Variants in CADM1 observed in about 807,000 individuals in gnomAD.
CADM1 encodes cell adhesion molecule 1, also known as TSLC-1.
In CADM1, 15 loss-of-function variants were observed where a neutral mutation model predicts 53.1. The ratio of observed to expected loss-of-function variants is 0.28; its 90% CI spans 0.19 to 0.44. The LOEUF is 0.44. Among genes scored for constraint, CADM1 ranks in the 20% least tolerant of loss-of-function variants. The pLI is 1.00. For missense variants in CADM1, 434 were observed against 611.3 expected (o/e 0.71, Z 3.06); for synonymous variants, 281 against 243.0 (o/e 1.16, Z -1.45).
intron 8 of CADM1, among the ~76,000 whole-genome samples, chr11:115,206,548 G>A (rs1940688297): frequency 6.6e-6 from 1 of 152,084 alleles, no homozygotes; most frequent in Non-Finnish European, 1.5e-5. Context: ...CTAACAAGGG[G>A]AACAATTTGA....
At chr11:115,210,032 G>A (rs1940885665) in intron 7 of CADM1, among the ~76,000 whole-genome samples, 1 of 152,212 alleles carries the variant, frequency 6.6e-6, no homozygotes, top group African/African-American at 2.4e-5. Context: ...ACAGATGGCA[G>A]GAAGGAGGAG....
chr11:115,441,195 T>TA (rs1201426144), intron 1 of CADM1, among the ~76,000 whole-genome samples: 2 of 152,030 alleles, frequency 1.3e-5, no homozygotes, highest in Non-Finnish European at 2.9e-5. Flanking sequence ...CTTGTACCTA[T>TA]AGGCTTAGAA....
In CADM1 at chr11:115,209,780, A is replaced by G. The variant is rs183225673; in HGVS notation, c.995-123T>C. ...TTGATGGCTTCCCCCTTTAAAACCAAAAGTTCTTTCCCTGCAAGATTTATG... is the reference window on the plus strand; with the variant it reads ...TTGATGGCTTCCCCCTTTAAAACCAGAAGTTCTTTCCCTGCAAGATTTATG... On this transcript the variant is annotated intron_variant, in intron 7 of 11. Coordinates refer to ENST00000331581, the MANE Select transcript of CADM1 (RefSeq NM_001301043.2). 1.7e-5 allele frequency: 20 copies of G among 1,177,196 alleles called. No individual in the cohort carries two copies. The Admixed American group carries it at 2.3e-4, about 13-fold the overall frequency. The allele number at this position is 1,177,196 out of a possible 1,614,324, so 72.9% of individuals were successfully genotyped here.
chr11:115,296,075 C>T (rs1047547039), intron 1 of CADM1, among the ~76,000 whole-genome samples: 5 of 152,060 alleles, frequency 3.3e-5, no homozygotes, highest in African/African-American at 7.2e-5. Flanking sequence ...CTCAGCCTCC[C>T]GAGTAGCTGG....
chr11:115,458,673 G>A (rs1386674579), intron 1 of CADM1, among the ~76,000 whole-genome samples: 1 of 151,796 alleles, frequency 6.6e-6, no homozygotes, highest in Non-Finnish European at 1.5e-5. Flanking sequence ...ATTTCTAGGG[G>A]TTCAGTAACC....
chr11:115,299,801 C>T (rs992975724), intron 1 of CADM1, among the ~76,000 whole-genome samples: 1 of 151,976 alleles, frequency 6.6e-6, no homozygotes, highest in African/African-American at 2.4e-5. Context: ...ACACTTTAGC[C>T]GCCATTTTCT....
chr11:115,312,327 A>G (rs1349216914), intron 1 of CADM1, among the ~76,000 whole-genome samples: 6 of 152,192 alleles, frequency 3.9e-5, no homozygotes, highest in South Asian at 2.1e-4. Flanking sequence ...ACAGACTAAT[A>G]TCACCACTAG....
At chr11:115,291,545 A>G (rs1339130403) in intron 1 of CADM1, among the ~76,000 whole-genome samples, 1 of 152,222 alleles carries the variant, frequency 6.6e-6, no homozygotes, top group African/African-American at 2.4e-5. Flanking sequence ...GCTCAGTAGC[A>G]TGACCTTTCA....
At chr11:115,336,316 T>C (rs959379909) in intron 1 of CADM1, among the ~76,000 whole-genome samples, 4 of 152,138 alleles carry the variant, frequency 2.6e-5, no homozygotes, top group African/African-American at 9.6e-5. Flanking sequence ...CGTCTTAGTA[T>C]TATGAGAACA....
At chr11:115,271,534 G>A (rs1332385067) in intron 1 of CADM1, among the ~76,000 whole-genome samples, 3 of 152,102 alleles carry the variant, frequency 2.0e-5, no homozygotes, top group Non-Finnish European at 2.9e-5. Flanking sequence ...CACCCGCCTC[G>A]GCCTCCCAAA....
chr11:115,300,897 T>C (rs933772542), intron 1 of CADM1, among the ~76,000 whole-genome samples: 1 of 152,056 alleles, frequency 6.6e-6, no homozygotes, highest in African/African-American at 2.4e-5. Flanking sequence ...GGGCTCCAAA[T>C]TGCAAAAGTT....
chr11:115,266,543 T>A (rs906352509), intron 1 of CADM1, among the ~76,000 whole-genome samples: 2 of 152,222 alleles, frequency 1.3e-5, no homozygotes, highest in African/African-American at 4.8e-5. Context: ...CTGAGTGTTG[T>A]CTTCCACATT....
intron 1 of CADM1, among the ~76,000 whole-genome samples, chr11:115,266,344 G>T (rs972982661): frequency 6.6e-6 from 1 of 152,200 alleles, no homozygotes; most frequent in South Asian, 2.1e-4. Context: ...AATTGTTCTA[G>T]AATACTATAA....
At chr11:115,294,698 A>AT (rs1214143960) in intron 1 of CADM1, among the ~76,000 whole-genome samples, 4 of 152,216 alleles carry the variant, frequency 2.6e-5, no homozygotes, top group Non-Finnish European at 4.4e-5. Context: ...AAAAGCCTAA[A>AT]TAAAAATTTT....
intron 10 of CADM1, among the ~76,000 whole-genome samples, chr11:115,184,285 A>C (rs1229539352): frequency 6.6e-6 from 1 of 152,218 alleles, no homozygotes; most frequent in Non-Finnish European, 1.5e-5. Context: ...GCTCCCGTCC[A>C]TGGCAACAAA....
chr11:115,485,774 C>G (rs562608613), intron 1 of CADM1, among the ~76,000 whole-genome samples: 5 of 152,248 alleles, frequency 3.3e-5, no homozygotes, highest in Non-Finnish European at 5.9e-5. Context: ...ATGTCTTTAC[C>G]AGCAGTGTGA....
At position 115,176,326 on chromosome 11, in the gene CADM1, T is replaced by TTTC; in HGVS notation, c.*147_*148insGAA. 3 of 1,519,808 alleles carry TTTC rather than the reference T, an allele frequency of 2.0e-6. No homozygotes were observed. Among genetic ancestry groups the TTTC allele is most frequent in the South Asian group, 1.2e-5 (1 of 81,870 alleles). 94.1% of individuals were successfully genotyped at this position (1,519,808 alleles called of 1,614,324 possible). On this transcript the variant is annotated 3_prime_UTR_variant, in exon 12 of 12. Coordinates refer to ENST00000331581, the MANE Select transcript of CADM1 (RefSeq NM_001301043.2). ...TTCCAAAGAACATTTTTTTTTTTTT[T>TTTC]ACACAGCAAATCCCAAGCCTTCCCA...
chr11:115,503,241 C>T (rs1314115155), intron 1 of CADM1, among the ~76,000 whole-genome samples: 2 of 152,212 alleles, frequency 1.3e-5, no homozygotes, highest in Non-Finnish European at 2.9e-5. Context: ...CTCTTCTTTC[C>T]CGACCGCGCC....
At chr11:115,320,263 A>G (rs1033071021) in intron 1 of CADM1, among the ~76,000 whole-genome samples, 1 of 152,022 alleles carries the variant, frequency 6.6e-6, no homozygotes, top group African/African-American at 2.4e-5. Context: ...AGGTCTCTCT[A>G]TGTTGTCCAG....
Sources: gnomAD v4.1 joint callset for allele counts (sites outside exome capture counted in the v4.1 genomes callset) on GRCh38, gnomAD v4.1.1 for gene constraint, MANE v1.5 for transcripts, NCBI Gene and HGNC (gene_info 2026-07-23, HGNC 2026-07-21) for gene names.